Variants in RSPO3 observed in about 807,000 individuals in gnomAD.
RSPO3 encodes the protein R-spondin-3.
Under a neutral mutation model 36.5 loss-of-function variants are expected in RSPO3, and 17 were observed. The ratio of observed to expected loss-of-function variants is 0.47; its 90% CI spans 0.32 to 0.70. RSPO3 has a LOEUF of 0.70. Among genes scored for constraint, RSPO3 ranks in the 30% least tolerant of loss-of-function variants. RSPO3 has a pLI of 0.04. For missense variants in RSPO3, 294 were observed against 322.5 expected, an observed-to-expected ratio of 0.91 and a Z score of 0.68; for synonymous variants, 108 against 107.0, an observed-to-expected ratio of 1.01 and a Z score of -0.06.
intron 1 of RSPO3, among the ~76,000 whole-genome samples, chr6:127,145,243 G>A (rs1174673035): frequency 6.6e-6 from 1 of 151,736 alleles, no homozygotes; most frequent in Non-Finnish European, 1.5e-5. Flanking sequence ...ATATTTGGTT[G>A]GTACCACCTC....
At chr6:127,158,328 A>C (rs1417482028) in intron 4 of RSPO3, among the ~76,000 whole-genome samples, 2 of 152,114 alleles carry the variant, frequency 1.3e-5, no homozygotes, top group Non-Finnish European at 2.9e-5. Context: ...TAAAATAAGA[A>C]GATTCCTTTA....
At chr6:127,163,284 T>C (rs1582802279) in intron 4 of RSPO3, among the ~76,000 whole-genome samples, 1 of 152,164 alleles carries the variant, frequency 6.6e-6, no homozygotes, top group Non-Finnish European at 1.5e-5. Flanking sequence ...TTAAAACTGC[T>C]AGTGTTGCCG....
chr6:127,188,046 T>C (rs900282005), intron 4 of RSPO3, among the ~76,000 whole-genome samples: 1 of 152,128 alleles, frequency 6.6e-6, no homozygotes, highest in African/African-American at 2.4e-5. Context: ...CTCCAGCTAA[T>C]GGCCCTTTTA....
intron 4 of RSPO3, among the ~76,000 whole-genome samples, chr6:127,190,286 G>A (rs1252894365): frequency 6.6e-6 from 1 of 152,068 alleles, no homozygotes; most frequent in Non-Finnish European, 1.5e-5. Context: ...AAATTAGCCA[G>A]GCACGGTGGC....
chr6:127,151,825 A>C (rs904426284), intron 3 of RSPO3, among the ~76,000 whole-genome samples: 3 of 152,084 alleles, frequency 2.0e-5, no homozygotes, highest in African/African-American at 7.2e-5. Flanking sequence ...GTACAAAAGA[A>C]AGCACTTCAA....
chr6:127,125,518 C>T (rs1272322257), intron 1 of RSPO3, among the ~76,000 whole-genome samples: 1 of 152,112 alleles, frequency 6.6e-6, no homozygotes, highest in African/African-American at 2.4e-5. Context: ...CTAGTGATCC[C>T]TACGGTTTCC....
chr6:127,187,360 T>C (rs1775317372), intron 4 of RSPO3, among the ~76,000 whole-genome samples: 1 of 152,160 alleles, frequency 6.6e-6, no homozygotes, highest in African/African-American at 2.4e-5. Context: ...AAACATTATA[T>C]AAAACAACCA....
In RSPO3 at chr6:127,197,494, G is replaced by A; in HGVS notation, c.*1487G>A. 1 of 1,550,560 alleles carries A rather than the reference G, an allele frequency of 6.4e-7. No homozygotes were observed. Among genetic ancestry groups the A allele is most frequent in the South Asian group, 1.2e-5 (1 of 84,054 alleles). ...AGAGGACACAGCCCACCCCTTGCAGGAGGAGGTATCTCTGAGTGTGCAGCA... is the reference window on the plus strand; with the variant it reads ...AGAGGACACAGCCCACCCCTTGCAGAAGGAGGTATCTCTGAGTGTGCAGCA... On this transcript the variant is annotated 3_prime_UTR_variant, in exon 5 of 5. Coordinates refer to ENST00000356698, the MANE Select transcript of RSPO3 (RefSeq NM_032784.5).
intron 1 of RSPO3, among the ~76,000 whole-genome samples, chr6:127,130,732 C>A (rs1473788488): frequency 6.6e-6 from 1 of 152,034 alleles, no homozygotes; most frequent in Non-Finnish European, 1.5e-5. Flanking sequence ...CCATAAAATA[C>A]AAACGGTATG....
chr6:127,177,431 A>C (rs920952633), intron 4 of RSPO3, among the ~76,000 whole-genome samples: 1 of 151,810 alleles, frequency 6.6e-6, no homozygotes, highest in African/African-American at 2.4e-5. Flanking sequence ...CAGGAGTTGC[A>C]TGTTTGACCC....
chr6:127,165,949 A>G (rs999420414), intron 4 of RSPO3, among the ~76,000 whole-genome samples: 1 of 151,968 alleles, frequency 6.6e-6, no homozygotes, highest in Non-Finnish European at 1.5e-5. Context: ...AAAATTAATA[A>G]TCTCACTCTC....
chr6:127,155,125 C>A (rs562855270), intron 3 of RSPO3, 116 bp from the exon 4 acceptor site: 13 of 954,906 alleles, frequency 1.4e-5, no homozygotes, highest in Admixed American at 2.0e-5. Flanking sequence ...CGACTTTGAT[C>A]TGCAAGATTC....
At chr6:127,157,243 C>G (rs1397861962) in intron 4 of RSPO3, among the ~76,000 whole-genome samples, 1 of 152,094 alleles carries the variant, frequency 6.6e-6, no homozygotes, top group Non-Finnish European at 1.5e-5. Context: ...TAATGACTTA[C>G]AGGTGGTCTT....
intron 1 of RSPO3, among the ~76,000 whole-genome samples, chr6:127,141,922 C>T (rs192093035): frequency 6.6e-6 from 1 of 151,982 alleles, no homozygotes; most frequent in African/African-American, 2.4e-5. Flanking sequence ...GACATACAAA[C>T]ACATATGTGC....
intron 4 of RSPO3, among the ~76,000 whole-genome samples, chr6:127,170,858 G>C (rs1774921471): frequency 6.6e-6 from 1 of 151,774 alleles, no homozygotes; most frequent in Admixed American, 6.6e-5. Context: ...TAAAATGATA[G>C]TTGCCAGGAG....
intron 1 of RSPO3, among the ~76,000 whole-genome samples, chr6:127,132,558 C>G (rs896155976): frequency 6.6e-6 from 1 of 152,016 alleles, no homozygotes; most frequent in Non-Finnish European, 1.5e-5. Flanking sequence ...AAATGCAATT[C>G]TTGGCTAGTT....
intron 4 of RSPO3, among the ~76,000 whole-genome samples, chr6:127,155,741 T>C (rs1281257610): frequency 6.6e-6 from 1 of 152,092 alleles, no homozygotes; most frequent in Non-Finnish European, 1.5e-5. Context: ...AGAAAACTTT[T>C]GGGAAGTCTC....
At chr6:127,193,719 C>A (rs963836554) in intron 4 of RSPO3, among the ~76,000 whole-genome samples, 64 of 152,160 alleles carry the variant, frequency 4.2e-4, no homozygotes, top group African/African-American at 1.1e-3. Context: ...GGGAAACTTA[C>A]TCTTCAGTTT....
At chr6:127,193,276 G>A (rs1330963639) in intron 4 of RSPO3, among the ~76,000 whole-genome samples, 1 of 152,150 alleles carries the variant, frequency 6.6e-6, no homozygotes, top group East Asian at 1.9e-4. Context: ...ATATCAGTTT[G>A]CTAATAAGCA....
Sources: allele counts gnomAD v4.1 joint callset (sites outside exome capture counted in the v4.1 genomes callset), GRCh38; gene constraint gnomAD v4.1.1; transcripts MANE v1.5; gene names NCBI Gene and HGNC (gene_info 2026-07-23, HGNC 2026-07-21).